The following ERC2 variants were observed in gnomAD, a reference collection of about 807,000 sequenced individuals.
The protein encoded by ERC2 is ELKS/RAB6-interacting/CAST family member 2.
Under a neutral mutation model 114.8 loss-of-function variants are expected in ERC2, and 42 were observed. The observed-to-expected ratio is 0.37, with a 90% CI of 0.29 to 0.47. The LOEUF is 0.47. ERC2 is among the 20% of genes least tolerant of loss of function. The pLI, the probability that ERC2 is intolerant of heterozygous loss-of-function variation, is 0.99. For synonymous variants in ERC2, 454 were observed against 425.5 expected (o/e 1.07, Z -0.82); for missense variants, 939 against 1,150.7 (o/e 0.82, Z 2.66).
At chr3:55,567,467 A>G (rs767958872) in intron 17 of ERC2, among the ~76,000 whole-genome samples, 20 of 152,200 alleles carry the variant, frequency 1.3e-4, no homozygotes, top group Non-Finnish European at 2.4e-4. Context: ...ATGAGATTCC[A>G]CTGGAGGGTT....
chr3:56,266,653 C>T (rs749735025), intron 3 of ERC2, among the ~76,000 whole-genome samples: 9 of 152,200 alleles, frequency 5.9e-5, no homozygotes, highest in Admixed American at 2.0e-4. Context: ...CCCAGCTACT[C>T]GGGAGGCTGA....
At position 56,139,564 on chromosome 3, in the gene ERC2, A is replaced by C. The variant is rs2080725865; in HGVS notation, c.1418T>G (p.Val473Gly). ...TTTGGCAGTAAGTGACTCTTTGAGC[A>C]CTTCAATGTGTTGCTTGCAATCTGA... ...QNSDCKQHIEVLKESLTAKEQ... is the reference protein window; with the variant it reads ...QNSDCKQHIEGLKESLTAKEQ... Residue 473 changes from valine to glycine, a missense_variant, in exon 6 of 18, where the codon GTG (valine) becomes GGG (glycine). Coordinates refer to ENST00000288221, the MANE Select transcript of ERC2 (RefSeq NM_015576.3). 6.2e-7 allele frequency: 1 copy of C among 1,613,874 alleles called. No homozygotes were observed. Among genetic ancestry groups the C allele is most frequent in the Non-Finnish European group, 8.5e-7 (1 of 1,179,960 alleles).
rs748917550 is a variant in ERC2, at chr3:55,691,544, C to CAAAA, written c.2848-7689_2848-7686dup. Among the ~76,000 whole-genome samples, 36 of 67,016 alleles carry CAAAA rather than the reference C, an allele frequency of 5.4e-4. 1 individual carries two copies. The highest frequency in any genetic ancestry group is 1.2e-3 in the African/African-American group (19 of 15,708). The allele number at this position is 67,016 out of a possible 152,430, so 44.0% of individuals were successfully genotyped here. On this transcript the variant is annotated intron_variant, in intron 16 of 17. Coordinates refer to ENST00000288221, the MANE Select transcript of ERC2 (RefSeq NM_015576.3). ...GGGCCATGACATTAGATTTGCAATGCAAAAAAAAAAAAAAAAAAAAAAAAA... is the reference window on the plus strand; with the variant it reads ...GGGCCATGACATTAGATTTGCAATGCAAAAAAAAAAAAAAAAAAAAAAAAAAAAA...
intron 7 of ERC2, among the ~76,000 whole-genome samples, chr3:56,050,875 G>A (rs967452902): frequency 2.0e-5 from 3 of 152,172 alleles, no homozygotes; most frequent in African/African-American, 7.2e-5. Context: ...ATACATACAT[G>A]TGAAATGAAT....
Position 56,139,493 on chromosome 3 carries a change from TGA to T in ERC2, c.1473+14_1473+15del, listed in dbSNP as rs1553847543. ...TCAATGTCTCTGCTGTCTAGAATCC[TGA>T]GAGAGTGCCTTACCTCAGTCTGAAG... On this transcript the variant is annotated intron_variant, in intron 6 of 17. Coordinates refer to ENST00000288221, the MANE Select transcript of ERC2 (RefSeq NM_015576.3). 1 of 1,602,606 alleles carries T rather than the reference TGA, an allele frequency of 6.2e-7. No homozygotes were observed. Among genetic ancestry groups the T allele is most frequent in the Non-Finnish European group, 8.5e-7 (1 of 1,173,442 alleles).
intron 14 of ERC2, among the ~76,000 whole-genome samples, chr3:55,838,398 G>T (rs1387257443): frequency 6.6e-6 from 1 of 151,914 alleles, no homozygotes. Context: ...TCTATACCAA[G>T]AATATATCAA....
intron 10 of ERC2, among the ~76,000 whole-genome samples, chr3:55,993,370 T>C (rs2071231101): frequency 6.6e-6 from 1 of 152,178 alleles, no homozygotes; most frequent in Non-Finnish European, 1.5e-5. Context: ...TTATATACTT[T>C]TTTGAAAATT....
intron 3 of ERC2, among the ~76,000 whole-genome samples, chr3:56,204,461 AC>A (rs2048588324): frequency 7.6e-6 from 1 of 132,292 alleles, no homozygotes; most frequent in South Asian, 2.4e-4. Flanking sequence ...TGTGACACAA[AC>A]ATTTAATTAG....
chr3:56,123,637 C>A (rs957764875), intron 6 of ERC2, among the ~76,000 whole-genome samples: 2 of 152,172 alleles, frequency 1.3e-5, no homozygotes, highest in African/African-American at 4.8e-5. Context: ...GCAATGGCCT[C>A]GCAGCCTCTA....
At chr3:56,452,489 A>G (rs2062866019) in intron 1 of ERC2, among the ~76,000 whole-genome samples, 1 of 152,244 alleles carries the variant, frequency 6.6e-6, no homozygotes, top group Admixed American at 6.5e-5. Flanking sequence ...CATATGACAT[A>G]TACTCTATTT....
intron 14 of ERC2, among the ~76,000 whole-genome samples, chr3:55,862,197 C>T (rs2062060665): frequency 6.6e-6 from 1 of 151,930 alleles, no homozygotes; most frequent in Admixed American, 6.6e-5. Context: ...TATATATATA[C>T]ATATATATTC....
chr3:55,906,533 C>T (rs186010354), intron 13 of ERC2, among the ~76,000 whole-genome samples: 42 of 152,192 alleles, frequency 2.8e-4, no homozygotes, highest in African/African-American at 9.9e-4. Flanking sequence ...AGCATCCTCC[C>T]ATCCCATGTT....
intron 17 of ERC2, among the ~76,000 whole-genome samples, chr3:55,624,369 A>G (rs970188915): frequency 1.3e-5 from 2 of 152,288 alleles, no homozygotes; most frequent in East Asian, 3.9e-4. Flanking sequence ...GGAACTGACA[A>G]TGTGTCGCCA....
At chr3:55,556,173 T>A (rs2107454138) in intron 17 of ERC2, among the ~76,000 whole-genome samples, 1 of 152,324 alleles carries the variant, frequency 6.6e-6, no homozygotes, top group African/African-American at 2.4e-5. Flanking sequence ...TCCTAACTCT[T>A]CATCCAGCTT....
chr3:55,666,786 G>A lies in ERC2; in HGVS notation c.*39+17008C>T, dbSNP rs529700464. 2.2e-4 allele frequency among the ~76,000 whole-genome samples: 34 copies of A among 151,950 alleles called. No individual in the cohort carries two copies. The East Asian group carries it at 2.9e-3, about 13-fold the overall frequency. ...AAGCTGAGAAATCCTGGCATAGAGCGTGTTCTCCAGAGGCAAACTGCCCAC... is the reference window on the plus strand; with the variant it reads ...AAGCTGAGAAATCCTGGCATAGAGCATGTTCTCCAGAGGCAAACTGCCCAC... On this transcript the variant is annotated intron_variant, in intron 17 of 17. Coordinates refer to ENST00000288221, the MANE Select transcript of ERC2 (RefSeq NM_015576.3).
intron 3 of ERC2, among the ~76,000 whole-genome samples, chr3:56,219,773 G>T (rs769216578): frequency 6.6e-6 from 1 of 151,898 alleles, no homozygotes; most frequent in Non-Finnish European, 1.5e-5. Flanking sequence ...GAGAGGAGCT[G>T]CTCCCTACTT....
chr3:55,701,433 T>C (rs538344876), intron 15 of ERC2, among the ~76,000 whole-genome samples: 1 of 152,264 alleles, frequency 6.6e-6, no homozygotes, highest in South Asian at 2.1e-4. Flanking sequence ...TTTGATTCTG[T>C]TAAGTTTTGG....
chr3:55,934,292 G>A lies in ERC2; in HGVS notation c.2403+16133C>T, dbSNP rs188222778. ...AATACAGTTTAACCCTAAGAGTTTCGAGTTAAAACATATCAGAATATGACT... is the reference window on the plus strand; with the variant it reads ...AATACAGTTTAACCCTAAGAGTTTCAAGTTAAAACATATCAGAATATGACT... On this transcript the variant is annotated intron_variant, in intron 13 of 17. Coordinates refer to ENST00000288221, the MANE Select transcript of ERC2 (RefSeq NM_015576.3). 2.2e-3 allele frequency among the ~76,000 whole-genome samples: 338 copies of A among 152,210 alleles called. 5 individuals carry two copies. The highest frequency in any genetic ancestry group is 7.4e-3 in the African/African-American group (308 of 41,524).
intron 16 of ERC2, among the ~76,000 whole-genome samples, chr3:55,692,887 G>A (rs1273724578): frequency 1.3e-5 from 2 of 152,182 alleles, no homozygotes; most frequent in African/African-American, 4.8e-5. Context: ...TGTGACCAGA[G>A]TTTGAAGAGA....
Sources: allele counts gnomAD v4.1 joint callset (sites outside exome capture counted in the v4.1 genomes callset), GRCh38; gene constraint gnomAD v4.1.1; transcripts MANE v1.5; gene names NCBI Gene and HGNC (gene_info 2026-07-23, HGNC 2026-07-21).